The following CSMD1 variants were observed in gnomAD, a reference collection of about 807,000 sequenced individuals.
The protein encoded by CSMD1 is CUB and sushi domain-containing protein 1.
In CSMD1, 213 loss-of-function variants were observed where a neutral mutation model predicts 417.5. The ratio of observed to expected loss-of-function variants is 0.51; its 90% CI spans 0.46 to 0.57. The LOEUF (loss-of-function observed/expected upper bound fraction) is 0.57. CSMD1 is among the 20% of genes least tolerant of loss of function. The pLI is 0.00. For missense variants in CSMD1, 6,923 were observed against 4,529.7 expected (o/e 1.53, Z -15.17); for synonymous variants, 2,862 against 1,736.8 (o/e 1.65, Z -16.11).
chr8:3,261,947 G>A (rs1181108662), intron 26 of CSMD1, among the ~76,000 whole-genome samples: 8 of 151,820 alleles, frequency 5.3e-5, no homozygotes, highest in Non-Finnish European at 1.2e-4. Context: ...CAATGTCAAC[G>A]CGTGGGCTGT....
intron 3 of CSMD1, among the ~76,000 whole-genome samples, chr8:4,413,956 T>TA (rs2128936264): frequency 1.3e-5 from 2 of 152,314 alleles, no homozygotes; most frequent in East Asian, 3.9e-4. Flanking sequence ...TCAAGCTCTA[T>TA]AATTGTTATA....
At chr8:4,606,750 T>A (rs1426908992) in intron 2 of CSMD1, among the ~76,000 whole-genome samples, 1 of 152,196 alleles carries the variant, frequency 6.6e-6, no homozygotes, top group East Asian at 1.9e-4. Flanking sequence ...AAAGACCTTT[T>A]ATGAAGGGAT....
intron 8 of CSMD1, among the ~76,000 whole-genome samples, chr8:3,604,305 G>A (rs368359164): frequency 2.0e-5 from 3 of 152,100 alleles, no homozygotes; most frequent in African/African-American, 4.8e-5. Context: ...GCTGCGGGGG[G>A]GGACCAAAGG....
At chr8:3,912,031 G>A (rs1047247536) in intron 5 of CSMD1, among the ~76,000 whole-genome samples, 17 of 152,236 alleles carry the variant, frequency 1.1e-4, no homozygotes, top group African/African-American at 3.9e-4. Flanking sequence ...AGACACATAT[G>A]GAGTATATTT....
intron 1 of CSMD1, among the ~76,000 whole-genome samples, chr8:4,900,367 C>G (rs1804786059): frequency 6.6e-6 from 1 of 152,214 alleles, no homozygotes; most frequent in Non-Finnish European, 1.5e-5. Flanking sequence ...AATGTTGGAG[C>G]AACCCTTGAC....
intron 1 of CSMD1, among the ~76,000 whole-genome samples, chr8:4,949,532 C>G (rs1279642952): frequency 3.9e-5 from 6 of 152,150 alleles, no homozygotes; most frequent in African/African-American, 1.4e-4. Flanking sequence ...GCTGCAATGT[C>G]CAGACGTGCT....
intron 4 of CSMD1, among the ~76,000 whole-genome samples, chr8:4,022,484 G>T (rs965428910): frequency 6.6e-6 from 1 of 152,152 alleles, no homozygotes; most frequent in East Asian, 1.9e-4. Context: ...CAGGTTTAAA[G>T]ACTTCCCTCC....
chr8:4,843,284 C>T (rs1175479587), intron 1 of CSMD1, among the ~76,000 whole-genome samples: 1 of 152,096 alleles, frequency 6.6e-6, no homozygotes, highest in South Asian at 2.1e-4. Context: ...ATCTATGGCC[C>T]AGTACTTGTA....
At chr8:3,890,455 A>G (rs1016452051) in intron 5 of CSMD1, among the ~76,000 whole-genome samples, 1 of 151,978 alleles carries the variant, frequency 6.6e-6, no homozygotes, top group African/African-American at 2.4e-5. Context: ...GAGACTGAGG[A>G]TTCCAGCTGA....
At chr8:3,954,521 C>T (rs563904660) in intron 5 of CSMD1, among the ~76,000 whole-genome samples, 7 of 152,102 alleles carry the variant, frequency 4.6e-5, no homozygotes, top group Admixed American at 1.3e-4. Flanking sequence ...CACCCACCAC[C>T]ACTCCCAGAT....
chr8:4,612,038 G>C (rs1473148889), intron 2 of CSMD1, among the ~76,000 whole-genome samples: 1 of 152,126 alleles, frequency 6.6e-6, no homozygotes, highest in African/African-American at 2.4e-5. Context: ...TGAAAAGAAA[G>C]CCATGGTTCC....
intron 41 of CSMD1, among the ~76,000 whole-genome samples, chr8:3,138,521 G>C (rs961272081): frequency 1.2e-4 from 18 of 152,214 alleles, no homozygotes; most frequent in African/African-American, 3.9e-4. Flanking sequence ...CTCGTGACCA[G>C]CACACAAGAA....
In CSMD1 at chr8:4,084,469, A is replaced by G. The variant is rs78715357; in HGVS notation, c.416-52370T>C. Among the ~76,000 whole-genome samples, 1,127 of 152,306 alleles carry G rather than the reference A, an allele frequency of 7.4e-3. 4 individuals are homozygous for G. The highest frequency in any genetic ancestry group is 0.012 in the Non-Finnish European group (793 of 68,026). ...ATGATTTTGTTGTAATTGCTAAATC[A>G]TTTAAAACATCTTTCATTAAGCCTC... On this transcript the variant is annotated intron_variant, in intron 3 of 69. Coordinates refer to ENST00000635120, the MANE Select transcript of CSMD1 (RefSeq NM_033225.6).
At chr8:3,362,859 T>G (rs1809288807) in intron 20 of CSMD1, among the ~76,000 whole-genome samples, 1 of 152,172 alleles carries the variant, frequency 6.6e-6, no homozygotes, top group African/African-American at 2.4e-5. Context: ...AGCTTCCATC[T>G]TGCATCTCTT....
chr8:3,753,854 A>C, intron 6 of CSMD1, 76 bp downstream of exon 6: 1 of 1,033,916 alleles, frequency 9.7e-7, no homozygotes, highest in South Asian at 1.5e-5. Flanking sequence ...CCAACTCCTA[A>C]AATTTCATGG....
chr8:3,161,798 A>G (rs1363715968), intron 38 of CSMD1, among the ~76,000 whole-genome samples: 1 of 152,178 alleles, frequency 6.6e-6, no homozygotes, highest in East Asian at 1.9e-4. Context: ...AACAGTTTGC[A>G]GGGTAGCAGG....
chr8:4,448,666 C>T (rs1484333478), intron 2 of CSMD1, among the ~76,000 whole-genome samples: 2 of 152,192 alleles, frequency 1.3e-5, no homozygotes, highest in Non-Finnish European at 2.9e-5. Context: ...CAACATCTGA[C>T]TTTCTTCTCA....
At chr8:3,674,307 C>G (rs916967078) in intron 7 of CSMD1, among the ~76,000 whole-genome samples, 1 of 152,144 alleles carries the variant, frequency 6.6e-6, no homozygotes, top group African/African-American at 2.4e-5. Context: ...CAAAATACCA[C>G]ATTCTTTGAA....
chr8:4,640,182 T>C (rs901120823), intron 1 of CSMD1, among the ~76,000 whole-genome samples: 3 of 152,224 alleles, frequency 2.0e-5, no homozygotes, highest in Non-Finnish European at 2.9e-5. Context: ...GTACAGTGCA[T>C]GTTGCTGAAT....
Sources: allele counts gnomAD v4.1 joint callset (sites outside exome capture counted in the v4.1 genomes callset), GRCh38; gene constraint gnomAD v4.1.1; transcripts MANE v1.5; gene names NCBI Gene and HGNC (gene_info 2026-07-23, HGNC 2026-07-21).